FAT3: variants seen among roughly 807,000 people sequenced by gnomAD.
FAT3 encodes FAT atypical cadherin 3.
Under a neutral mutation model 310.2 loss-of-function variants are expected in FAT3, and 95 were observed. The observed-to-expected ratio is 0.31, with a 90% CI of 0.26 to 0.36. The LOEUF is 0.36. Ranked by LOEUF, FAT3 falls within the 10% of genes least tolerant of loss-of-function variation. FAT3 has a pLI of 1.00. For missense variants in FAT3, 5,408 were observed against 5,715.6 expected (o/e 0.95, Z 1.74); for synonymous variants, 2,314 against 2,192.9 (o/e 1.06, Z -1.54).
chr11:92,893,332 A>G lies in FAT3; in HGVS notation c.*2219A>G, dbSNP rs1949957303. The G allele has an allele frequency of 6.6e-6, 1 of 152,228 alleles. No homozygotes were observed. The highest frequency in any genetic ancestry group is 2.1e-4 in the South Asian group (1 of 4,834). 9.4% of individuals were successfully genotyped at this position (152,228 alleles called of 1,614,324 possible). ...TCACTAAGGCTGCTTTCGAGAACAA[A>G]GTCTTTGGTATTTTTCTTATGTAAG... On this transcript the variant is annotated 3_prime_UTR_variant, in exon 28 of 28. Transcript: ENST00000525166.
intron 3 of FAT3, among the ~76,000 whole-genome samples, chr11:92,691,581 A>G (rs1278579713): frequency 6.6e-6 from 1 of 151,964 alleles, no homozygotes. Flanking sequence ...GGGTCTTACC[A>G]TGTTACCCAG....
intron 15 of FAT3, 24 bp downstream of exon 15, chr11:92,835,108 G>T (rs777713472): frequency 1.3e-6 from 2 of 1,589,156 alleles, no homozygotes; most frequent in African/African-American, 1.3e-5. Context: ...GTTGGGGATG[G>T]TTCTAGATGT....
chr11:92,600,993 C>A (rs189941500), intron 3 of FAT3, among the ~76,000 whole-genome samples: 1 of 152,014 alleles, frequency 6.6e-6, no homozygotes, highest in African/African-American at 2.4e-5. Flanking sequence ...AGCAAACTTA[C>A]GGACCAGAGC....
chr11:92,447,618 G>A (rs1446643756), intron 2 of FAT3, among the ~76,000 whole-genome samples: 1 of 152,116 alleles, frequency 6.6e-6, no homozygotes, highest in East Asian at 1.9e-4. Flanking sequence ...GATGGTAACA[G>A]CACAAATGAA....
chr11:92,548,251 G>A (rs985091112), intron 3 of FAT3, among the ~76,000 whole-genome samples: 2 of 152,124 alleles, frequency 1.3e-5, no homozygotes, highest in Non-Finnish European at 2.9e-5. Flanking sequence ...AAATGGAGAT[G>A]AAGTGGATTT....
intron 22 of FAT3, among the ~76,000 whole-genome samples, chr11:92,872,582 T>C (rs1439398946): frequency 6.6e-6 from 1 of 152,216 alleles, no homozygotes; most frequent in Non-Finnish European, 1.5e-5. Context: ...TTAATAATTA[T>C]AGACACTAAT....
chr11:92,454,448 G>T (rs185645732), intron 2 of FAT3, among the ~76,000 whole-genome samples: 1 of 152,212 alleles, frequency 6.6e-6, no homozygotes, highest in Non-Finnish European at 1.5e-5. Context: ...AAATCATTTG[G>T]TAAAAGACAT....
At chr11:92,451,810 C>T (rs531575934) in intron 2 of FAT3, among the ~76,000 whole-genome samples, 1 of 152,196 alleles carries the variant, frequency 6.6e-6, no homozygotes, top group South Asian at 2.1e-4. Context: ...AACTTTGTTG[C>T]AGTAAAACCA....
At chr11:92,542,021 A>G (rs933892048) in intron 3 of FAT3, among the ~76,000 whole-genome samples, 1 of 152,066 alleles carries the variant, frequency 6.6e-6, no homozygotes, top group Non-Finnish European at 1.5e-5. Flanking sequence ...GTACCTCAGA[A>G]TGAAAAGCAA....
At chr11:92,489,872 A>G (rs2135231586) in intron 2 of FAT3, among the ~76,000 whole-genome samples, 1 of 150,332 alleles carries the variant, frequency 6.7e-6, no homozygotes, top group Middle Eastern at 3.4e-3. Context: ...GAGTTTTCGT[A>G]GTTTTTTTCT....
intron 4 of FAT3, among the ~76,000 whole-genome samples, chr11:92,720,486 C>A (rs1944830253): frequency 6.6e-6 from 1 of 152,136 alleles, no homozygotes; most frequent in African/African-American, 2.4e-5. Context: ...TGTTTTCCTG[C>A]CATTTTTGCC....
intron 4 of FAT3, among the ~76,000 whole-genome samples, chr11:92,727,646 A>T (rs923943508): frequency 1.3e-5 from 2 of 152,168 alleles, no homozygotes; most frequent in Non-Finnish European, 2.9e-5. Flanking sequence ...GACATAGACC[A>T]TGGGCAGCAC....
chr11:92,577,641 C>T (rs1243736082), intron 3 of FAT3, among the ~76,000 whole-genome samples: 2 of 151,976 alleles, frequency 1.3e-5, no homozygotes, highest in African/African-American at 4.8e-5. Flanking sequence ...CCTTACTGTG[C>T]AGTAAGACTT....
intron 1 of FAT3, among the ~76,000 whole-genome samples, chr11:92,296,898 T>G (rs1946864520): frequency 1.3e-5 from 2 of 152,130 alleles, no homozygotes; most frequent in Admixed American, 6.6e-5. Context: ...TCTGTGCCAT[T>G]TAAACAACAT....
chr11:92,397,369 ATCT>A (rs1269526716), intron 2 of FAT3, among the ~76,000 whole-genome samples: 1 of 152,170 alleles, frequency 6.6e-6, no homozygotes, highest in Non-Finnish European at 1.5e-5. Context: ...ATATTAAGCA[ATCT>A]TCTGCCATCT....
intron 14 of FAT3, among the ~76,000 whole-genome samples, chr11:92,833,743 T>A (rs1948326755): frequency 1.3e-5 from 2 of 152,092 alleles, no homozygotes; most frequent in South Asian, 4.1e-4. Context: ...TGTATGGGGG[T>A]TTCCCTCATT....
At chr11:92,603,341 G>T (rs929299812) in intron 3 of FAT3, among the ~76,000 whole-genome samples, 1 of 152,180 alleles carries the variant, frequency 6.6e-6, no homozygotes, top group Non-Finnish European at 1.5e-5. Flanking sequence ...AAGGCCAAAA[G>T]CCTTAACTCA....
At chr11:92,545,560 T>C (rs576073640) in intron 3 of FAT3, among the ~76,000 whole-genome samples, 1 of 151,948 alleles carries the variant, frequency 6.6e-6, no homozygotes, top group African/African-American at 2.4e-5. Context: ...GTAATGTGGT[T>C]CAAATGTATA....
intron 2 of FAT3, among the ~76,000 whole-genome samples, chr11:92,368,833 C>CATATATATATATAT (rs778237959): frequency 0.043 from 6,014 of 140,836 alleles, 201 homozygotes; most frequent in African/African-American, 0.082. Context: ...TGTGTGTATA[C>CATATATATATATAT]ATATATATAT....
Sources: allele counts gnomAD v4.1 joint callset (sites outside exome capture counted in the v4.1 genomes callset), GRCh38; gene constraint gnomAD v4.1.1; transcripts MANE v1.5; gene names NCBI Gene and HGNC (gene_info 2026-07-23, HGNC 2026-07-21).